Variants in ASS1 observed in about 807,000 individuals in gnomAD.
ASS1 encodes the protein argininosuccinate synthase 1.
ASS1 carries 58 observed loss-of-function variants against 60.5 expected under a neutral mutation model. The ratio of observed to expected loss-of-function variants is 0.96; its 90% confidence interval spans 0.78 to 1.19. ASS1 has a LOEUF of 1.19. ASS1 is among the 50% of genes most tolerant of loss of function. The probability of loss-of-function intolerance (pLI) is 0.00; values close to 1 mark genes in which losing one functional copy is unlikely to be tolerated. For missense variants in ASS1, 454 were observed against 547.3 expected (o/e 0.83, Z 1.70); for synonymous variants, 200 against 206.9 (o/e 0.97, Z 0.29).
At position 130,459,762 on chromosome 9, in the gene ASS1, C is replaced by T. The variant is rs117184974; in HGVS notation, c.363+1173C>T. ...AACTTGGTTATTTCTGTTAAGACCA[C>T]ATGAGGCCACATTCGGAGGGACTGG... On this transcript the variant is annotated intron_variant, in intron 4 of 14. Transcript: ENST00000352480. This position sits in a 1 kb window ranked among gnomAD's most constrained non-coding sequence, Gnocchi z 4.6. Among the ~76,000 whole-genome samples, 829 of 152,316 alleles carry T rather than the reference C, an allele frequency of 5.4e-3. 2 individuals carry two copies. Among genetic ancestry groups the T allele is most frequent in the Non-Finnish European group, 7.8e-3 (532 of 68,028 alleles).
chr9:130,451,833 C>T (rs969958990), intron 1 of ASS1: 3 of 466,824 alleles, frequency 6.4e-6, no homozygotes, highest in Admixed American at 2.3e-5. Context: ...GTGTCAGCTG[C>T]CAGAGGCTCA....
intron 11 of ASS1, among the ~76,000 whole-genome samples, chr9:130,484,236 C>T (rs531881447): frequency 6.6e-6 from 1 of 152,266 alleles, no homozygotes; most frequent in East Asian, 1.9e-4. Flanking sequence ...GCCTTTAGTC[C>T]AGGTGCCCTC....
intron 14 of ASS1, 23 bp downstream of exon 14, chr9:130,499,593 G>A (rs747231442): frequency 5.7e-5 from 92 of 1,607,868 alleles, no homozygotes; most frequent in East Asian, 2.7e-4. Flanking sequence ...GGGCCCTGAC[G>A]GGCCTTCAGA....
At position 130,494,174 on chromosome 9, in the gene ASS1, T is replaced by C. The variant is rs1846525507; in HGVS notation, c.971-693T>C. On this transcript the variant is annotated intron_variant, in intron 12 of 14. Transcript: ENST00000352480. The surrounding 1 kb of genome is among the most constrained non-coding windows in gnomAD (Gnocchi z 4.3). ...CAAAGCCTGAGCGCAGTGCTGCTTATCTATGCAGAAATATTCTATCTGCCC... is the reference window on the plus strand; with the variant it reads ...CAAAGCCTGAGCGCAGTGCTGCTTACCTATGCAGAAATATTCTATCTGCCC... 6.6e-6 allele frequency among the ~76,000 whole-genome samples: 1 copy of C among 152,200 alleles called. No homozygotes were observed. The highest frequency in any genetic ancestry group is 2.4e-5 in the African/African-American group (1 of 41,442).
chr9:130,484,840 C>T (rs1024103276), intron 11 of ASS1, among the ~76,000 whole-genome samples: 7 of 151,728 alleles, frequency 4.6e-5, no homozygotes, highest in Non-Finnish European at 5.9e-5. Flanking sequence ...CGTGCGCGCG[C>T]GCGCGTCGGC....
At position 130,477,068 on chromosome 9, in the gene ASS1, C is replaced by A; in HGVS notation, c.688+107C>A. 1 of 1,207,012 alleles carries A rather than the reference C, an allele frequency of 8.3e-7. No homozygotes were observed. The highest frequency in any genetic ancestry group is 1.2e-6 in the Non-Finnish European group (1 of 827,492). The allele number at this position is 1,207,012 out of a possible 1,614,324, so 74.8% of individuals were successfully genotyped here. A position where few individuals can be genotyped will look rare whatever the true frequency, so the allele number is the denominator to read the frequency against. On this transcript the variant is annotated intron_variant, in intron 9 of 14. Coordinates refer to ENST00000352480, the MANE Select transcript of ASS1 (RefSeq NM_054012.4). The surrounding 1 kb of genome is among the most constrained non-coding windows in gnomAD (Gnocchi z 4.2). ...GCCCTCTTTACCCCCGCCCTGCATT[C>A]CTGGAAGCTAGAGTTCAGGCAGGGG... is the stretch of plus-strand genomic sequence containing the variant.
At position 130,471,500 on chromosome 9, in the gene ASS1, C is replaced by G; in HGVS notation, c.582C>G (p.Ile194Met). ...CCCTCCGCAGCTACGAGGCTGGAAT[C>G]CTGGAGAACCCCAAGGTAATCCCCC... ...NLMHISYEAG[I>M]LENPKNQAPP... Residue 194 changes from isoleucine to methionine, a missense_variant, in exon 8 of 15, where the codon ATC (isoleucine) becomes ATG (methionine). Physicochemically the swap from Ile to Met is conservative, Grantham distance 10 (BLOSUM62 1). Transcript: ENST00000352480. 1 of 1,614,136 alleles carries G rather than the reference C, an allele frequency of 6.2e-7. No individual in the cohort carries two copies. The highest frequency in any genetic ancestry group is 8.5e-7 in the Non-Finnish European group (1 of 1,180,000).
At chr9:130,449,958 T>G (rs113323499) in intron 1 of ASS1, among the ~76,000 whole-genome samples, 1 of 152,208 alleles carries the variant, frequency 6.6e-6, no homozygotes, top group South Asian at 2.1e-4. Context: ...ATCTGATATT[T>G]AAAAAATGCA....
In ASS1 at chr9:130,471,491, G is replaced by C; in HGVS notation, c.573G>C (p.Glu191Asp). The change falls in exon 8 of 15, where the codon GAG (glutamate) becomes GAC (aspartate). Residue 191 changes from glutamate to aspartate, a missense_variant. Glu to Asp is a conservative substitution (Grantham distance 45, BLOSUM62 2). Coordinates refer to ENST00000352480, the MANE Select transcript of ASS1 (RefSeq NM_054012.4). ...MDENLMHISY[E>D]AGILENPKNQ... Reference sequence around the variant, plus strand: ...TTTCCTTTCCCCTCCGCAGCTACGAGGCTGGAATCCTGGAGAACCCCAAGG... The same window carrying C: ...TTTCCTTTCCCCTCCGCAGCTACGACGCTGGAATCCTGGAGAACCCCAAGG... 2.5e-6 allele frequency: 4 copies of C among 1,614,132 alleles called. No homozygotes were observed.
intron 11 of ASS1, among the ~76,000 whole-genome samples, chr9:130,485,901 C>T (rs572547462): frequency 2.5e-4 from 38 of 152,320 alleles, no homozygotes; most frequent in African/African-American, 9.1e-4. Flanking sequence ...TTTCTGCACA[C>T]ACTGGTCTTT....
chr9:130,453,609 G>A (rs372141461), intron 2 of ASS1, among the ~76,000 whole-genome samples: 4 of 152,338 alleles, frequency 2.6e-5, no homozygotes, highest in African/African-American at 9.6e-5. Context: ...GCTACCACCT[G>A]GGGGATTTAA....
rs998531364 is a variant in ASS1, at chr9:130,459,763, A to T, written c.363+1174A>T. ...ACTTGGTTATTTCTGTTAAGACCAC[A>T]TGAGGCCACATTCGGAGGGACTGGG... On this transcript the variant is annotated intron_variant, in intron 4 of 14. Coordinates refer to ENST00000352480, the MANE Select transcript of ASS1 (RefSeq NM_054012.4). The surrounding 1 kb of genome is among the most constrained non-coding windows in gnomAD (Gnocchi z 4.6). Among the ~76,000 whole-genome samples the T allele has an allele frequency of 1.3e-5, 2 of 152,198 alleles. No homozygotes were observed. The highest frequency in any genetic ancestry group is 4.8e-5 in the African/African-American group (2 of 41,450).
At chr9:130,466,837 T>A (rs1243170775) in intron 6 of ASS1, 38 bp downstream of exon 6, 1 of 1,603,300 alleles carries the variant, frequency 6.2e-7, no homozygotes, top group Admixed American at 1.7e-5. Context: ...AACCTTTCCC[T>A]ATAGCCCCCT....
chr9:130,492,349 A>G (rs1430581272), intron 12 of ASS1, among the ~76,000 whole-genome samples: 8 of 152,126 alleles, frequency 5.3e-5, no homozygotes, highest in African/African-American at 1.9e-4. Flanking sequence ...ATTCTGCTGT[A>G]ATGCTTGGCT....
chr9:130,490,149 G>A (rs886927140), intron 12 of ASS1, among the ~76,000 whole-genome samples: 12 of 152,186 alleles, frequency 7.9e-5, no homozygotes, highest in African/African-American at 2.9e-4. Flanking sequence ...TGAGGAGCCC[G>A]GGTTTCCATG....
chr9:130,451,231 C>T (rs931295566), intron 1 of ASS1, among the ~76,000 whole-genome samples: 16 of 152,094 alleles, frequency 1.1e-4, no homozygotes, highest in African/African-American at 2.9e-4. Context: ...TTGGCGCCTT[C>T]GGGAGGCTTC....
intron 8 of ASS1, among the ~76,000 whole-genome samples, chr9:130,474,081 T>A (rs1410656408): frequency 2.4e-5 from 2 of 84,874 alleles, no homozygotes; most frequent in Non-Finnish European, 4.2e-5. Flanking sequence ...CCCCCACAGA[T>A]GACATTGGAA....
intron 4 of ASS1, among the ~76,000 whole-genome samples, chr9:130,460,518 A>G (rs1845563790): frequency 6.6e-6 from 1 of 152,156 alleles, no homozygotes; most frequent in Non-Finnish European, 1.5e-5. Context: ...CGGGAGCAGC[A>G]GGCAGGGGCT....
chr9:130,495,033 C>G lies in ASS1; in HGVS notation c.1127+10C>G. On this transcript the variant is annotated intron_variant, in intron 13 of 14. Coordinates refer to ENST00000352480, the MANE Select transcript of ASS1 (RefSeq NM_054012.4). The stretch of plus-strand genomic sequence containing the variant: ...ATGAGGAGCTGGTGAGGTAGGTGCC[C>G]CACACCTCATTCTGACCCCCACTTG... The G allele has an allele frequency of 6.2e-7, 1 of 1,606,018 alleles. No homozygotes were observed. Among genetic ancestry groups the G allele is most frequent in the East Asian group, 2.2e-5 (1 of 44,562 alleles).
Sources: gnomAD v4.1 joint callset for allele counts (sites outside exome capture counted in the v4.1 genomes callset) on GRCh38, gnomAD v4.1.1 for gene constraint, Gnocchi (gnomAD v3.1) non-coding constraint, MANE v1.5 for transcripts, NCBI Gene and HGNC (gene_info 2026-07-23, HGNC 2026-07-21) for gene names.